PDK3: variants seen among roughly 807,000 people sequenced by gnomAD.
PDK3 encodes pyruvate dehydrogenase kinase 3, also known as pyruvate dehydrogenase kinase, isozyme 3.
A neutral mutation model predicts 32.0 loss-of-function variants in PDK3; 12 were observed. That is an observed-to-expected ratio of 0.37 (90% CI 0.24 to 0.61). PDK3 has a LOEUF of 0.61. PDK3 is among the 20% of genes least tolerant of loss of function. The pLI is 0.65. For synonymous variants in PDK3, 122 were observed against 116.3 expected (o/e 1.05, Z -0.31); for missense variants, 188 against 316.9 (o/e 0.59, Z 3.09).
chrX:24,503,932 A>T (rs941882860), intron 4 of PDK3, among the ~76,000 whole-genome samples: 2 of 112,482 alleles, frequency 1.8e-5, no homozygotes, highest in Admixed American at 9.4e-5. Flanking sequence ...GATGTTGGTG[A>T]TAGGAGCCAT....
At chrX:24,511,804 C>T (rs12007393) in intron 5 of PDK3, among the ~76,000 whole-genome samples, 10,817 of 104,973 alleles carry the variant, frequency 0.1, 844 homozygotes, top group African/African-American at 0.26. Context: ...GCTGAGATTG[C>T]GCCATTACAC....
rs759468083 is a variant in PDK3 at position 24,494,929 on chromosome X, G to A, written c.248+46G>A. On this transcript the variant is annotated intron_variant, in intron 2 of 10. Coordinates refer to ENST00000379162, the MANE Select transcript of PDK3 (RefSeq NM_005391.5). ...AAAATGGATCTTCCCACAATGCTGTGAACATTTGGCAGCGAGACCATTCTC... is the reference window on the plus strand; with the variant it reads ...AAAATGGATCTTCCCACAATGCTGTAAACATTTGGCAGCGAGACCATTCTC... The A allele has an allele frequency of 4.4e-6, 5 of 1,123,787 alleles. 1 individual carries two copies. The South Asian group carries it at 9.9e-5, about 22-fold the overall frequency. 92.6% of individuals were successfully genotyped at this position (1,123,787 alleles called of 1,213,427 possible). A position where few individuals can be genotyped will look rare whatever the true frequency, so the allele number is the denominator to read the frequency against.
At chrX:24,471,392 G>T (rs1240191010) in intron 1 of PDK3, among the ~76,000 whole-genome samples, 1 of 111,725 alleles carries the variant, frequency 9.0e-6, no homozygotes, top group African/African-American at 3.3e-5. Context: ...TTCCAGTGAA[G>T]GTGCATTCTG....
At chrX:24,502,700 C>T (rs956193918) in intron 3 of PDK3, among the ~76,000 whole-genome samples, 3 of 110,798 alleles carry the variant, frequency 2.7e-5, no homozygotes, top group African/African-American at 6.6e-5. Flanking sequence ...AAAAATTAGC[C>T]AGGCGTGGTG....
chrX:24,476,846 T>C (rs915026524), intron 1 of PDK3, among the ~76,000 whole-genome samples: 2 of 112,037 alleles, frequency 1.8e-5, no homozygotes, highest in African/African-American at 6.5e-5. Context: ...ACAGCAGAAA[T>C]TGAGTATTGA....
At chrX:24,482,934 TA>T (rs1339200188) in intron 1 of PDK3, among the ~76,000 whole-genome samples, 1 of 112,454 alleles carries the variant, frequency 8.9e-6, no homozygotes, top group Non-Finnish European at 1.9e-5. Context: ...ATTGAGAACG[TA>T]TGGCATAGTG....
intron 5 of PDK3, among the ~76,000 whole-genome samples, chrX:24,508,758 G>A (rs779026575): frequency 3.6e-5 from 4 of 111,229 alleles, no homozygotes; most frequent in Non-Finnish European, 7.5e-5. Context: ...TGTCGTCCAG[G>A]CTGGAGTGCA....
intron 6 of PDK3, among the ~76,000 whole-genome samples, chrX:24,525,794 T>C (rs1054739357): frequency 8.9e-6 from 1 of 112,552 alleles, no homozygotes; most frequent in African/African-American, 3.2e-5. Context: ...AGCCCTTTTT[T>C]TTCCTGTTGC....
chrX:24,496,296 T>TACACACACAC lies in PDK3; in HGVS notation c.248+1428_248+1437dup, dbSNP rs74314230. ...CTCTCTCTCTGTCTCACTCTCTGCA[T>TACACACACAC]ACACACACACACACACACACACACG... On this transcript the variant is annotated intron_variant, in intron 2 of 10. Transcript: ENST00000379162. Among the ~76,000 whole-genome samples, 243 of 102,734 alleles carry TACACACACAC rather than the reference T, an allele frequency of 2.4e-3. 1 individual carries two copies. The highest frequency in any genetic ancestry group is 7.1e-3 in the African/African-American group (197 of 27,904). 89.2% of individuals were successfully genotyped at this position (102,734 alleles called of 115,157 possible). A position where few individuals can be genotyped will look rare whatever the true frequency, so the allele number is the denominator to read the frequency against.
Position 24,499,641 on chromosome X carries a change from C to T in PDK3, c.320+741C>T, listed in dbSNP as rs745852646. ...TGTTCCATAAGAAGAACTAGGGAAA[C>T]ACCATGTTATACAAGCAACCTTAGG... On this transcript the variant is annotated intron_variant, in intron 3 of 10. Transcript: ENST00000379162. 4.5e-5 allele frequency among the ~76,000 whole-genome samples: 5 copies of T among 111,860 alleles called. No homozygotes were observed. The East Asian group carries it at 1.4e-3, about 31-fold the overall frequency.
intron 1 of PDK3, among the ~76,000 whole-genome samples, chrX:24,483,994 C>T (rs1374277598): frequency 9.2e-6 from 1 of 109,236 alleles, no homozygotes; most frequent in African/African-American, 3.4e-5. Context: ...CAGGTGTGAG[C>T]CACCGCACCC....
At chrX:24,504,863 A>G in intron 4 of PDK3, among the ~76,000 whole-genome samples, 1 of 111,723 alleles carries the variant, frequency 9.0e-6, no homozygotes, top group South Asian at 3.7e-4. Flanking sequence ...TTGTGTCTGG[A>G]GTAGTACTAA....
chrX:24,532,307 A>G (rs6628019), intron 10 of PDK3, among the ~76,000 whole-genome samples: 46,476 of 110,612 alleles, frequency 0.42, 7,307 homozygotes, highest in South Asian at 0.54. Context: ...TTTTAAAACC[A>G]TAATTTTAAA....
At chrX:24,470,687 C>CA (rs58511156) in intron 1 of PDK3, among the ~76,000 whole-genome samples, 1,708 of 25,768 alleles carry the variant, frequency 0.066, 39 homozygotes, top group East Asian at 0.086. Flanking sequence ...AACGGCATCT[C>CA]AAAAAAAAAA....
downstream of PDK3, among the ~76,000 whole-genome samples, chrX:24,537,745 G>A (rs1922811019): frequency 9.0e-6 from 1 of 111,494 alleles, no homozygotes; most frequent in Admixed American, 9.6e-5. Flanking sequence ...GTACCATTTA[G>A]TAGCGTTGGT....
intron 5 of PDK3, among the ~76,000 whole-genome samples, chrX:24,507,756 C>T (rs1352627138): frequency 1.8e-5 from 2 of 112,104 alleles, no homozygotes; most frequent in Non-Finnish European, 3.8e-5. Flanking sequence ...GGATATTTGA[C>T]ATTAAAAATA....
intron 5 of PDK3, among the ~76,000 whole-genome samples, chrX:24,510,910 C>T (rs1045030421): frequency 8.9e-6 from 1 of 112,381 alleles, no homozygotes; most frequent in Non-Finnish European, 1.9e-5. Flanking sequence ...CAGATGTCTC[C>T]AGTCGACTGT....
At position 24,534,012 on chromosome X, in the gene PDK3, T is replaced by C. The variant is rs2148204324; in HGVS notation, c.1161T>C (p.Asp387=). The C allele has an allele frequency of 8.3e-7, 1 of 1,211,190 alleles. No homozygotes were observed. Among genetic ancestry groups the C allele is most frequent in the Non-Finnish European group, 1.1e-6 (1 of 895,140 alleles). The change falls in exon 11 of 11, where the codon GAT becomes GAC. Residue 387 remains aspartate (D), a synonymous_variant. Transcript: ENST00000379162. The part of the protein sequence containing the change: ...WRHYKTTPEA[D]DWSNPSSEPR... ...ATTACAAGACCACGCCTGAAGCCGATGATTGGAGCAATCCCAGCAGTGAAC... is the reference window on the plus strand; with the variant it reads ...ATTACAAGACCACGCCTGAAGCCGACGATTGGAGCAATCCCAGCAGTGAAC...
At chrX:24,525,087 G>A (rs1922491496) in intron 6 of PDK3, among the ~76,000 whole-genome samples, 1 of 111,773 alleles carries the variant, frequency 8.9e-6, no homozygotes, top group African/African-American at 3.3e-5. Context: ...AACCCGGGAG[G>A]TGGAGGTTGC....
Sources: allele counts gnomAD v4.1 joint callset (sites outside exome capture counted in the v4.1 genomes callset), GRCh38; gene constraint gnomAD v4.1.1; transcripts MANE v1.5; gene names NCBI Gene and HGNC (gene_info 2026-07-23, HGNC 2026-07-21).